The following MIAT variants were observed in gnomAD, a reference collection of about 807,000 sequenced individuals.
MIAT encodes myocardial infarction associated transcript.
At chr22:26,670,524 G>A, downstream of MIAT, 1 of 338,474 alleles carries the variant, frequency 3.0e-6, no homozygotes, top group Non-Finnish European at 5.3e-6. Flanking sequence ...CTTGAAGGAT[G>A]AGAAAGATCT....
At chr22:26,666,836 G>A (rs1340285654) in exon 4 of MIAT, 1 of 399,062 alleles carries the variant, frequency 2.5e-6, no homozygotes, top group Non-Finnish European at 4.4e-6. Flanking sequence ...CTCCTGCGGT[G>A]TGGTTGGCTC....
exon 5 of MIAT, chr22:26,675,311 G>A (rs1467737460): frequency 7.5e-6 from 3 of 398,636 alleles, no homozygotes; most frequent in Admixed American, 8.8e-5. Context: ...GTGGAATGTA[G>A]CAAGAGATAG....
At chr22:26,647,764 G>A (rs2269671) in intron 2 of MIAT, among the ~76,000 whole-genome samples, 1 of 151,762 alleles carries the variant, frequency 6.6e-6, no homozygotes, top group Non-Finnish European at 1.5e-5. Context: ...AGAACAGACT[G>A]GGGGGAAGCC....
intron 3 of MIAT, among the ~76,000 whole-genome samples, chr22:26,665,213 C>T (rs917315473): frequency 2.0e-5 from 3 of 148,862 alleles, no homozygotes; most frequent in Non-Finnish European, 4.5e-5. Context: ...TGCACTCCAG[C>T]CTGGGTGACA....
intron 5 of MIAT, chr22:26,667,657 T>C (rs898980687): frequency 1.4e-5 from 3 of 210,772 alleles, no homozygotes; most frequent in Admixed American, 6.0e-5. Context: ...CAGCTTTCAT[T>C]GCTTCCTCTT....
chr22:26,672,950 C>G (rs1030013969), downstream of MIAT: 1 of 398,518 alleles, frequency 2.5e-6, no homozygotes, highest in South Asian at 1.3e-4. Context: ...AGAGCCGTCT[C>G]CCCTCTCTGG....
downstream of MIAT, chr22:26,670,513 C>T (rs1345551605): frequency 5.1e-6 from 2 of 389,054 alleles, no homozygotes; most frequent in East Asian, 3.6e-5. Context: ...CCAAACAGGG[C>T]CTTGAAGGAT....
At chr22:26,666,683 C>A (rs1177415297) in exon 4 of MIAT, 2 of 398,480 alleles carry the variant, frequency 5.0e-6, no homozygotes, top group Non-Finnish European at 8.8e-6. Flanking sequence ...CTCCCCTCAC[C>A]TTTTAAGGAT....
downstream of MIAT, chr22:26,674,438 C>T: frequency 2.5e-6 from 1 of 398,772 alleles, no homozygotes; most frequent in Non-Finnish European, 4.4e-6. Flanking sequence ...CAGTTCAAGG[C>T]AGGGCCTGGA....
chr22:26,655,663 A>G (rs1930416899), intron 2 of MIAT, among the ~76,000 whole-genome samples: 1 of 152,158 alleles, frequency 6.6e-6, no homozygotes, highest in Admixed American at 6.5e-5. Flanking sequence ...GCAGAACTGA[A>G]ATGTAAACCC....
chr22:26,670,542 A>C, downstream of MIAT: 1 of 361,856 alleles, frequency 2.8e-6, no homozygotes, highest in Admixed American at 4.8e-5. Context: ...TCTGGCTGAG[A>C]TGATACCCGA....
At chr22:26,655,731 G>A (rs995164753) in intron 2 of MIAT, among the ~76,000 whole-genome samples, 1 of 152,254 alleles carries the variant, frequency 6.6e-6, no homozygotes, top group Non-Finnish European at 1.5e-5. Context: ...TCTCCAGCTT[G>A]AGTGTGCATC....
At chr22:26,655,848 A>AT (rs374367922) in intron 2 of MIAT, among the ~76,000 whole-genome samples, 1 of 151,934 alleles carries the variant, frequency 6.6e-6, no homozygotes, top group Non-Finnish European at 1.5e-5. Context: ...GGCCTGGCTA[A>AT]TTTTTTTGTA....
At chr22:26,656,327 CTTTTTTT>C (rs201892323) in intron 2 of MIAT, among the ~76,000 whole-genome samples, 2 of 134,880 alleles carry the variant, frequency 1.5e-5, no homozygotes, top group South Asian at 2.4e-4. Context: ...TTTTCTTTTT[CTTTTTTT>C]TTTTTTTGAG....
intron 2 of MIAT, among the ~76,000 whole-genome samples, chr22:26,661,496 C>A (rs1382387108): frequency 6.6e-6 from 1 of 152,050 alleles, no homozygotes; most frequent in Non-Finnish European, 1.5e-5. Flanking sequence ...TAGTAACTAA[C>A]CCTAACTACC....
chr22:26,672,205 C>G, downstream of MIAT: 1 of 399,444 alleles, frequency 2.5e-6, no homozygotes, highest in Non-Finnish European at 4.4e-6. Context: ...CCTACTAACC[C>G]TGTTTTCTCT....
chr22:26,671,060 C>T, downstream of MIAT: 1 of 398,310 alleles, frequency 2.5e-6, no homozygotes, highest in Non-Finnish European at 4.4e-6. Context: ...GCACGGTTGT[C>T]AGATCTTTTG....
chr22:26,659,697 G>C (rs1930588322), intron 2 of MIAT, among the ~76,000 whole-genome samples: 3 of 150,476 alleles, frequency 2.0e-5, no homozygotes, highest in Non-Finnish European at 3.0e-5. Flanking sequence ...AAAAATAAAT[G>C]AGAATTTTTA....
At chr22:26,656,839 C>CG (rs151057042) in intron 2 of MIAT, among the ~76,000 whole-genome samples, 16,474 of 151,980 alleles carry the variant, frequency 0.11, 891 homozygotes, top group African/African-American at 0.14. Context: ...CCCAGGAGTT[C>CG]GGGGGGGTGC....
Sources: gnomAD v4.1 joint callset for allele counts (sites outside exome capture counted in the v4.1 genomes callset) on GRCh38, gnomAD v4.1.1 for gene constraint, MANE v1.5 for transcripts, NCBI Gene and HGNC (gene_info 2026-07-23, HGNC 2026-07-21) for gene names.